Variants in CD300LD observed in about 807,000 individuals in gnomAD.
CD300LD encodes the protein CMRF35-like molecule 5.
In CD300LD, 18 loss-of-function variants were observed where a neutral mutation model predicts 20.3. That is an observed-to-expected ratio of 0.89 (90% confidence interval 0.61 to 1.32). The LOEUF (loss-of-function observed/expected upper bound fraction) is 1.32, where lower values mean the gene tolerates loss of function less well. Ranked by LOEUF, CD300LD falls within the 40% of genes most tolerant of loss-of-function variation. CD300LD has a pLI of 0.00. For synonymous variants in CD300LD, 104 were observed against 90.1 expected (o/e 1.15, Z -0.87); for missense variants, 195 against 226.6 (o/e 0.86, Z 0.90).
intron 2 of CD300LD, among the ~76,000 whole-genome samples, chr17:74,585,405 TA>T (rs2030134557): frequency 6.6e-6 from 1 of 152,028 alleles, no homozygotes; most frequent in Admixed American, 6.6e-5. Context: ...CAGTACCAAT[TA>T]AAAATAATAA....
chr17:74,579,327 C>A (rs966985995), downstream of CD300LD: 1 of 152,072 alleles, frequency 6.6e-6, no homozygotes, highest in Non-Finnish European at 1.5e-5. Flanking sequence ...AAGACAGGTC[C>A]GTTAACATTG....
At chr17:74,587,857 A>G (rs996848469) in intron 2 of CD300LD, among the ~76,000 whole-genome samples, 1 of 152,094 alleles carries the variant, frequency 6.6e-6, no homozygotes. Flanking sequence ...CAGAGAAAAA[A>G]AAAATGTGCC....
At chr17:74,586,013 C>G (rs529261477) in intron 2 of CD300LD, among the ~76,000 whole-genome samples, 2 of 152,302 alleles carry the variant, frequency 1.3e-5, no homozygotes, top group East Asian at 3.9e-4. Context: ...CCAGTACAAT[C>G]TTTTTTACAT....
In CD300LD at chr17:74,579,817, G is replaced by A; in HGVS notation, c.*185C>T. On this transcript the variant is annotated 3_prime_UTR_variant, in exon 4 of 4. Transcript: ENST00000375352. ...GGAGGATCGCTTGAGCCTGGGAGGG[G>A]AAAGTTGCAGTGAGCAGAGATTACA... is the stretch of plus-strand genomic sequence containing the variant. The A allele has an allele frequency of 2.6e-6, 1 of 388,504 alleles. No individual in the cohort carries two copies. The highest frequency in any genetic ancestry group is 4.8e-6 in the Non-Finnish European group (1 of 208,038). The allele number at this position is 388,504 out of a possible 1,614,324, so 24.1% of individuals were successfully genotyped here. A position where few individuals can be genotyped will look rare whatever the true frequency, so the allele number is the denominator to read the frequency against.
At chr17:74,579,201 T>C (rs1344946723), downstream of CD300LD, among the ~76,000 whole-genome samples, 1 of 152,230 alleles carries the variant, frequency 6.6e-6, no homozygotes, top group African/African-American at 2.4e-5. Flanking sequence ...CTCTCTTCTG[T>C]ACTCATCTTC....
chr17:74,588,740 C>T lies in CD300LD; in HGVS notation c.150G>A (p.Lys50=), dbSNP rs2143293702. 1.2e-6 allele frequency: 2 copies of T among 1,614,226 alleles called. No individual in the cohort carries two copies. Among genetic ancestry groups the T allele is most frequent in the Non-Finnish European group, 1.7e-6 (2 of 1,180,024 alleles). ...TCCAATCAGCTCCTTGACACCGCCACTTCAAGTAGGTCTCCCAGCCTGAGC... is the reference window on the plus strand; with the variant it reads ...TCCAATCAGCTCCTTGACACCGCCATTTCAAGTAGGTCTCCCAGCCTGAGC... ...AYGSGWETYL[K]WRCQGADWNY... is the part of the protein sequence containing the mutation. The change falls in exon 2 of 4, where the codon AAG becomes AAA. Residue 50 remains lysine, a synonymous_variant. Coordinates refer to ENST00000375352, the MANE Select transcript of CD300LD (RefSeq NM_001115152.2).
chr17:74,578,817 C>A (rs1255660563), downstream of CD300LD, among the ~76,000 whole-genome samples: 2 of 152,044 alleles, frequency 1.3e-5, no homozygotes, highest in Non-Finnish European at 2.9e-5. Context: ...CCAGATGATC[C>A]CACTGGGCAG....
At chr17:74,583,905 C>T (rs1245017550) in intron 2 of CD300LD, among the ~76,000 whole-genome samples, 1 of 151,956 alleles carries the variant, frequency 6.6e-6, no homozygotes, top group Non-Finnish European at 1.5e-5. Flanking sequence ...GTTAGTGCCA[C>T]CATAGCCAGC....
chr17:74,588,456 G>A, intron 2 of CD300LD, 55 bp downstream of exon 2: 1 of 1,193,428 alleles, frequency 8.4e-7, no homozygotes, highest in South Asian at 1.4e-5. Flanking sequence ...GGGACCTCAG[G>A]GACCAGGACA....
rs2030225888 is a variant in CD300LD at position 74,588,598 on chromosome 17, T to C, written c.292A>G (p.Lys98Glu). Residue 98 changes from lysine to glutamate, a missense_variant, in exon 2 of 4, where the codon AAA (lysine) becomes GAA (glutamate). Lys to Glu is a moderately conservative substitution (Grantham distance 56). Coordinates refer to ENST00000375352, the MANE Select transcript of CD300LD (RefSeq NM_001115152.2). ...CAATAACTGTCAGCATCATCTCTTT[T>C]GAGATTCTCCATGGTCACGGTGAAC... ...HVFTVTMENL[K>E]RDDADSYWCG... 3 of 1,613,412 alleles carry C rather than the reference T, an allele frequency of 1.9e-6. No homozygotes were observed. Among genetic ancestry groups the C allele is most frequent in the Non-Finnish European group, 2.5e-6 (3 of 1,179,434 alleles).
At chr17:74,589,646 T>C (rs1266606498) in intron 1 of CD300LD, among the ~76,000 whole-genome samples, 1 of 152,228 alleles carries the variant, frequency 6.6e-6, no homozygotes, top group African/African-American at 2.4e-5. Context: ...GCCTAATCTT[T>C]CACTTGAAAA....
In CD300LD at chr17:74,579,919, T is replaced by C; in HGVS notation, c.*83A>G. Reference sequence around the variant, plus strand: ...AAAAAGAAGAGAAAAGAAAATGTTTTTTCTTCTGTGGGAGGGCCTTTCGCC... The same window carrying C: ...AAAAAGAAGAGAAAAGAAAATGTTTCTTCTTCTGTGGGAGGGCCTTTCGCC... On this transcript the variant is annotated 3_prime_UTR_variant, in exon 4 of 4. Coordinates refer to ENST00000375352, the MANE Select transcript of CD300LD (RefSeq NM_001115152.2). The C allele has an allele frequency of 1.3e-6, 1 of 774,510 alleles. No homozygotes were observed. Among genetic ancestry groups the C allele is most frequent in the Admixed American group, 2.5e-5 (1 of 39,410 alleles). 48.0% of individuals were successfully genotyped at this position (774,510 alleles called of 1,614,324 possible).
In CD300LD at chr17:74,580,119, G is replaced by A. The variant is rs910139022; in HGVS notation, c.474-6C>T. The A allele has an allele frequency of 1.3e-6, 2 of 1,592,604 alleles. No homozygotes were observed. The highest frequency in any genetic ancestry group is 4.5e-5 in the East Asian group (2 of 44,398). On this transcript the variant is annotated splice_region_variant and splice_polypyrimidine_tract_variant and intron_variant, in intron 3 of 3. Transcript: ENST00000375352. ...GGGTGCTCTTGAGCGGGGACCTGTG[G>A]GAACACGGTGACAGGAAATGAGCTG...
intron 1 of CD300LD, among the ~76,000 whole-genome samples, chr17:74,589,241 T>C (rs761073252): frequency 5.3e-5 from 8 of 152,228 alleles, no homozygotes; most frequent in Non-Finnish European, 1.0e-4. Flanking sequence ...GCTGCCTTGA[T>C]GCTTGGCTGT....
chr17:74,589,638 C>T (rs2030258550), intron 1 of CD300LD, among the ~76,000 whole-genome samples: 1 of 152,194 alleles, frequency 6.6e-6, no homozygotes, highest in Non-Finnish European at 1.5e-5. Flanking sequence ...ACTTGTCAGC[C>T]TAATCTTTCA....
intron 1 of CD300LD, among the ~76,000 whole-genome samples, chr17:74,589,962 G>C (rs992751077): frequency 3.0e-4 from 45 of 152,150 alleles, no homozygotes; most frequent in African/African-American, 1.1e-3. Flanking sequence ...TTGAATCCTG[G>C]CTCTACCACT....
intron 3 of CD300LD, among the ~76,000 whole-genome samples, chr17:74,581,037 A>T (rs1320547311): frequency 6.6e-6 from 1 of 152,122 alleles, no homozygotes; most frequent in South Asian, 2.1e-4. Context: ...GCCACGGGTC[A>T]AAATGCCCCC....
intron 3 of CD300LD, among the ~76,000 whole-genome samples, chr17:74,581,396 C>T (rs2030033492): frequency 6.6e-6 from 1 of 152,172 alleles, no homozygotes; most frequent in Admixed American, 6.5e-5. Flanking sequence ...GGTTTGGGCT[C>T]TGGCCTTGAC....
rs535775920 is a variant in CD300LD at position 74,592,171 on chromosome 17, A to G, written c.32T>C (p.Ile11Thr). Reference protein sequence around the residue: MWLSPSLLLLILPGYSIAAKI... With the variant: MWLSPSLLLLTLPGYSIAAKI... ...GCTCCAGCCACACTCACCTGGGAGGATGAGAAGCAGCAGAGATGGGGACAG... is the reference window on the plus strand; with the variant it reads ...GCTCCAGCCACACTCACCTGGGAGGGTGAGAAGCAGCAGAGATGGGGACAG... The change falls in exon 1 of 4, where the codon ATC (isoleucine) becomes ACC (threonine). Residue 11 changes from isoleucine (I) to threonine (T), a missense_variant. Coordinates refer to ENST00000375352, the MANE Select transcript of CD300LD (RefSeq NM_001115152.2). 501 of 1,614,136 alleles carry G rather than the reference A, an allele frequency of 3.1e-4. 9 individuals are homozygous for G. In the South Asian group the frequency reaches 5.0e-3, roughly 16 times the overall value.
Sources: gnomAD v4.1 joint callset for allele counts (sites outside exome capture counted in the v4.1 genomes callset) on GRCh38, gnomAD v4.1.1 for gene constraint, MANE v1.5 for transcripts, NCBI Gene and HGNC (gene_info 2026-07-23, HGNC 2026-07-21) for gene names.